LAD1: variants seen among roughly 807,000 people sequenced by gnomAD.
The protein encoded by LAD1 is ladinin 1.
A neutral mutation model predicts 54.2 loss-of-function variants in LAD1; 53 were observed. The ratio of observed to expected loss-of-function variants is 0.98; its 90% CI spans 0.78 to 1.23. LAD1 has a LOEUF of 1.23. LAD1 is among the 50% of genes most tolerant of loss of function. LAD1 has a pLI of 0.00. For synonymous variants in LAD1, 231 were observed against 257.7 expected, an observed-to-expected ratio of 0.90 and a Z score of 0.99; for missense variants, 637 against 653.3, an observed-to-expected ratio of 0.98 and a Z score of 0.27.
At chr1:201,398,417 G>A (rs1409711033) in intron 1 of LAD1, among the ~76,000 whole-genome samples, 1 of 152,206 alleles carries the variant, frequency 6.6e-6, no homozygotes, top group East Asian at 1.9e-4. Flanking sequence ...TACCGCAGGA[G>A]CCTCAGTTTC....
chr1:201,391,985 C>A (rs1028812603), intron 1 of LAD1, among the ~76,000 whole-genome samples: 2 of 152,252 alleles, frequency 1.3e-5, no homozygotes, highest in Non-Finnish European at 2.9e-5. Flanking sequence ...CTCCTCTTGC[C>A]ACTGCCAGAT....
At chr1:201,396,054 G>T (rs1263010308) in intron 1 of LAD1, among the ~76,000 whole-genome samples, 1 of 145,940 alleles carries the variant, frequency 6.9e-6, no homozygotes, top group Non-Finnish European at 1.5e-5. Context: ...GGGAGCCTGG[G>T]AGGGCAGAGG....
At chr1:201,382,864 C>T (rs1349346811) in intron 7 of LAD1, 125 bp from the exon 8 acceptor site, 3 of 949,354 alleles carry the variant, frequency 3.2e-6, no homozygotes, top group East Asian at 2.5e-5. Flanking sequence ...GCCACATATA[C>T]CTGGGACAGC....
rs1440997031 is a variant in LAD1 at position 201,389,348 on chromosome 1, G to C, written c.39-45C>G. 3.2e-6 allele frequency: 5 copies of C among 1,586,878 alleles called. No homozygotes were observed. In the Admixed American group the frequency reaches 8.5e-5, roughly 27 times the overall value. On this transcript the variant is annotated intron_variant, in intron 1 of 9. Coordinates refer to ENST00000391967, the MANE Select transcript of LAD1 (RefSeq NM_005558.4). ...GGTCAGCACAGCTGGGGAAACCCAG[G>C]ACCCTCCCGAGGCAGGCTCCTCTAG...
At chr1:201,397,376 GCAGGC>G (rs1308944360) in intron 1 of LAD1, 1 of 152,516 alleles carries the variant, frequency 6.6e-6, no homozygotes, top group African/African-American at 2.4e-5. Flanking sequence ...GGCAGGGAGG[GCAGGC>G]CAGGGGCCCC....
intron 1 of LAD1, among the ~76,000 whole-genome samples, chr1:201,391,964 G>C (rs964976930): frequency 6.6e-6 from 1 of 152,222 alleles, no homozygotes; most frequent in Non-Finnish European, 1.5e-5. Flanking sequence ...TTATAGCAAC[G>C]ACTGCAAGGC....
intron 1 of LAD1, among the ~76,000 whole-genome samples, chr1:201,398,197 G>T (rs1571726998): frequency 1.3e-5 from 2 of 152,178 alleles, no homozygotes; most frequent in South Asian, 4.1e-4. Context: ...CAGGAGCGGG[G>T]TAGAGGACAT....
chr1:201,384,373 A>G (rs371071067), intron 5 of LAD1, among the ~76,000 whole-genome samples: 1 of 152,176 alleles, frequency 6.6e-6, no homozygotes, highest in Admixed American at 6.5e-5. Flanking sequence ...GGCTTCTTGC[A>G]TCAACACCAG....
intron 2 of LAD1, 25 bp from the exon 3 acceptor site, chr1:201,387,203 A>C: frequency 6.7e-7 from 1 of 1,487,796 alleles, no homozygotes; most frequent in Non-Finnish European, 8.9e-7. Flanking sequence ...GGGAGACAGA[A>C]TCAGAGGATA....
chr1:201,387,017 G>C lies in LAD1; in HGVS notation c.344C>G (p.Ala115Gly). Residue 115 changes from alanine (A) to glycine (G), a missense_variant, in exon 3 of 10, where the codon GCA (alanine) becomes GGA (glycine). Transcript: ENST00000391967. ...GCTCAAGCTGTTCCTCCCCTCCTCT[G>C]CCTCCAGCCTCTCCTGGATGGGGGC... is the stretch of plus-strand genomic sequence containing the variant. ...AQAPIQERLE[A>G]EEGRNSLSPV... 6.2e-7 allele frequency: 1 copy of C among 1,611,000 alleles called. No individual in the cohort carries two copies. The highest frequency in any genetic ancestry group is 8.5e-7 in the Non-Finnish European group (1 of 1,178,688).
At chr1:201,387,432 G>A in intron 2 of LAD1, among the ~76,000 whole-genome samples, 1 of 152,178 alleles carries the variant, frequency 6.6e-6, no homozygotes, top group East Asian at 1.9e-4. Context: ...TTCAGACGTA[G>A]TCAACAGACT....
chr1:201,398,645 G>A (rs899206819), intron 1 of LAD1, among the ~76,000 whole-genome samples: 4 of 152,154 alleles, frequency 2.6e-5, no homozygotes, highest in South Asian at 2.1e-4. Flanking sequence ...CCTCATCCCC[G>A]ACCCTTTAGG....
intron 1 of LAD1, among the ~76,000 whole-genome samples, chr1:201,397,646 T>G (rs1389315055): frequency 6.6e-6 from 1 of 151,966 alleles, no homozygotes; most frequent in Non-Finnish European, 1.5e-5. Flanking sequence ...AAGGAGTGTC[T>G]GGTTTGTATT....
chr1:201,386,979 T>C lies in LAD1; in HGVS notation c.382A>G (p.Thr128Ala). The change falls in exon 3 of 10, where the codon ACA becomes GCA. Residue 128 changes from threonine (T) to alanine (A), a missense_variant. By Grantham distance (58) the Thr-to-Ala change is moderately conservative. Transcript: ENST00000391967. ...GRNSLSPVQA[T>A]QKPLVSKKEL... Reference sequence around the variant, plus strand: ...TTCTTGGAGACTAGGGGTTTCTGTGTGGCCTGCACAGGGCTCAAGCTGTTC... The same window carrying C: ...TTCTTGGAGACTAGGGGTTTCTGTGCGGCCTGCACAGGGCTCAAGCTGTTC... 2 of 1,608,048 alleles carry C rather than the reference T, an allele frequency of 1.2e-6. No homozygotes were observed. Among genetic ancestry groups the C allele is most frequent in the Non-Finnish European group, 8.5e-7 (1 of 1,177,832 alleles).
rs964006070 is a variant in LAD1, at chr1:201,387,413, G to A, written c.183-235C>T. Reference sequence around the variant, plus strand: ...CTTATAAATTCCTATGAAGTCCAACGACTCCATGTTCAGACGTAGTCAACA... The same window carrying A: ...CTTATAAATTCCTATGAAGTCCAACAACTCCATGTTCAGACGTAGTCAACA... On this transcript the variant is annotated intron_variant, in intron 2 of 9. Transcript: ENST00000391967. 2.6e-5 allele frequency among the ~76,000 whole-genome samples: 4 copies of A among 152,180 alleles called. No individual in the cohort carries two copies. The East Asian group carries it at 7.7e-4, about 29-fold the overall frequency.
rs186966744 is a variant in LAD1 at position 201,388,324 on chromosome 1, G to T, written c.182+836C>A. Among the ~76,000 whole-genome samples, 152 of 151,270 alleles carry T rather than the reference G, an allele frequency of 1.0e-3. 2 individuals carry two copies. Among genetic ancestry groups the T allele is most frequent in the Non-Finnish European group, 8.8e-5 (6 of 67,820 alleles). ...AATAGCTTGAACCTGGGAGGCGGAG[G>T]TTGCAGTGAGCCAAGATTGCGCCAC... On this transcript the variant is annotated intron_variant, in intron 2 of 9. Coordinates refer to ENST00000391967, the MANE Select transcript of LAD1 (RefSeq NM_005558.4).
intron 9 of LAD1, 121 bp downstream of exon 9, chr1:201,382,131 G>T (rs1661973775): frequency 2.2e-6 from 2 of 917,146 alleles, no homozygotes; most frequent in Non-Finnish European, 3.5e-6. Context: ...GCAGGGATGG[G>T]GGCGTTCTGG....
At chr1:201,385,926 C>T (rs1662073217) in intron 3 of LAD1, 121 bp from the exon 4 acceptor site, 2 of 734,408 alleles carry the variant, frequency 2.7e-6, no homozygotes. Context: ...CAGCCCTGTG[C>T]CTTCTCTCCT....
chr1:201,398,772 G>A (rs1025201425), intron 1 of LAD1, among the ~76,000 whole-genome samples: 1 of 152,164 alleles, frequency 6.6e-6, no homozygotes, highest in Non-Finnish European at 1.5e-5. Context: ...GTCCTTAGTG[G>A]GAGACGGGTC....
Sources: allele counts gnomAD v4.1 joint callset (sites outside exome capture counted in the v4.1 genomes callset), GRCh38; gene constraint gnomAD v4.1.1; transcripts MANE v1.5; gene names NCBI Gene and HGNC (gene_info 2026-07-23, HGNC 2026-07-21).